FSIP1: variants seen among roughly 807,000 people sequenced by gnomAD.
FSIP1 encodes the protein fibrous sheath interacting protein 1.
Under a neutral mutation model 60.9 loss-of-function variants are expected in FSIP1, and 65 were observed. That is an observed-to-expected ratio of 1.07 (90% CI 0.87 to 1.31). The LOEUF is 1.31. Among genes scored for constraint, FSIP1 ranks in the 40% most tolerant of loss-of-function variants. The pLI, the probability that FSIP1 is intolerant of heterozygous loss-of-function variation, is 0.00. For synonymous variants in FSIP1, 209 were observed against 221.2 expected (o/e 0.94, Z 0.49); for missense variants, 675 against 665.5 (o/e 1.01, Z -0.16).
intron 9 of FSIP1, among the ~76,000 whole-genome samples, chr15:39,717,726 C>T (rs978344371): frequency 4.6e-5 from 7 of 152,170 alleles, no homozygotes; most frequent in Non-Finnish European, 1.0e-4. Flanking sequence ...ATAGGCACAC[C>T]GAGTCCAAGG....
chr15:39,743,244 G>A (rs535079317), intron 5 of FSIP1, among the ~76,000 whole-genome samples: 3 of 152,142 alleles, frequency 2.0e-5, no homozygotes, highest in Non-Finnish European at 2.9e-5. Flanking sequence ...CCAGTGTCAT[G>A]CAGGTGGGTA....
chr15:39,618,024 C>T lies in FSIP1; in HGVS notation c.1410G>A (p.Met470Ile), dbSNP rs151331752. ...VQKTEVEDAD[M>I]LESEECEASK... is the part of the protein sequence containing the mutation. ...AAGCTTCACATTCTTCACTCTCAAG[C>T]ATATCTGCATCTTCTACCTCAGTTT... is the stretch of plus-strand genomic sequence containing the variant. The change falls in exon 11 of 12, where the codon ATG becomes ATA. Residue 470 changes from methionine (M) to isoleucine (I), a missense_variant. Met to Ile is a conservative substitution (Grantham distance 10). Coordinates refer to ENST00000350221, the MANE Select transcript of FSIP1 (RefSeq NM_152597.5). The T allele has an allele frequency of 8.5e-5, 137 of 1,614,182 alleles. No homozygotes were observed. The African/African-American group carries it at 1.7e-3, about 20-fold the overall frequency.
chr15:39,740,560 T>C (rs1253803004), intron 6 of FSIP1, among the ~76,000 whole-genome samples: 1 of 152,154 alleles, frequency 6.6e-6, no homozygotes, highest in Admixed American at 6.5e-5. Context: ...ACACATGCAG[T>C]TCACCCTACA....
Position 39,618,260 on chromosome 15 carries a change from C to A in FSIP1, c.1189-15G>T. Reference sequence around the variant, plus strand: ...GTGGACTCTAACTGATGAAACAAACCAAAAGATTACATAGTCAGTTGACTG... The same window carrying A: ...GTGGACTCTAACTGATGAAACAAACAAAAAGATTACATAGTCAGTTGACTG... On this transcript the variant is annotated splice_polypyrimidine_tract_variant and intron_variant, in intron 10 of 11. Coordinates refer to ENST00000350221, the MANE Select transcript of FSIP1 (RefSeq NM_152597.5). The A allele has an allele frequency of 6.3e-7, 1 of 1,577,968 alleles. No homozygotes were observed. Among genetic ancestry groups the A allele is most frequent in the Non-Finnish European group, 8.6e-7 (1 of 1,159,142 alleles).
rs114965515 is a variant in FSIP1, at chr15:39,657,966, G to A, written c.1189-39721C>T. Among the ~76,000 whole-genome samples the A allele has an allele frequency of 4.9e-3, 743 of 152,144 alleles. 6 individuals carry two copies. The highest frequency in any genetic ancestry group is 0.017 in the African/African-American group (703 of 41,504). ...CCTTCGAGAACAGCATATATAGTAG[G>A]GCCTGTGATGGATGGCCAATACAAA... is the stretch of plus-strand genomic sequence containing the variant. On this transcript the variant is annotated intron_variant, in intron 10 of 11. Transcript: ENST00000350221.
intron 10 of FSIP1, among the ~76,000 whole-genome samples, chr15:39,639,229 C>G (rs755171344): frequency 6.6e-6 from 1 of 152,094 alleles, no homozygotes; most frequent in East Asian, 1.9e-4. Flanking sequence ...GCTAGAAGGC[C>G]TGTGGGGAGT....
At chr15:39,754,862 G>C (rs1261840848) in intron 5 of FSIP1, among the ~76,000 whole-genome samples, 1 of 152,070 alleles carries the variant, frequency 6.6e-6, no homozygotes, top group African/African-American at 2.4e-5. Flanking sequence ...ATCAAAACTG[G>C]AGGTATGCCA....
chr15:39,613,913 A>T (rs183203547), intron 11 of FSIP1, among the ~76,000 whole-genome samples: 2 of 152,334 alleles, frequency 1.3e-5, no homozygotes, highest in East Asian at 3.9e-4. Context: ...CCATTTCATG[A>T]TAAAAATTCT....
At chr15:39,761,651 T>C (rs1007560489) in intron 5 of FSIP1, among the ~76,000 whole-genome samples, 1 of 152,190 alleles carries the variant, frequency 6.6e-6, no homozygotes, top group Admixed American at 6.5e-5. Context: ...TGAGATCTAT[T>C]GCACGGTGTG....
chr15:39,675,838 T>C (rs1324859371), intron 10 of FSIP1, among the ~76,000 whole-genome samples: 1 of 152,092 alleles, frequency 6.6e-6, no homozygotes, highest in African/African-American at 2.4e-5. Flanking sequence ...ACCACAACTG[T>C]ACAGCAGTAG....
intron 10 of FSIP1, among the ~76,000 whole-genome samples, chr15:39,698,582 G>A (rs1489347890): frequency 6.6e-6 from 1 of 152,152 alleles, no homozygotes; most frequent in Non-Finnish European, 1.5e-5. Context: ...ACTTTAATCT[G>A]AGCACTCTGC....
chr15:39,728,021 G>A (rs892617981), intron 8 of FSIP1, among the ~76,000 whole-genome samples: 5 of 152,004 alleles, frequency 3.3e-5, no homozygotes, highest in African/African-American at 7.3e-5. Context: ...AATCAAGAAC[G>A]CAATTCCATT....
In FSIP1 at chr15:39,602,328, G is replaced by A. The variant is rs924086598; in HGVS notation, c.1700-1402C>T. The A allele has an allele frequency of 7.4e-5, 34 of 456,426 alleles. 1 individual carries two copies. Among genetic ancestry groups the A allele is most frequent in the Middle Eastern group, 3.4e-4 (1 of 2,918 alleles). The allele number at this position is 456,426 out of a possible 1,614,324, so 28.3% of individuals were successfully genotyped here. A position where few individuals can be genotyped will look rare whatever the true frequency, so the allele number is the denominator to read the frequency against. On this transcript the variant is annotated intron_variant, in intron 11 of 11. Coordinates refer to ENST00000350221, the MANE Select transcript of FSIP1 (RefSeq NM_152597.5). Reference sequence around the variant, plus strand: ...GAGAAGCTGGAAGAAGCATGGAAGCGTTCTAGCGTTCTCTCCTAGGGCCTC... The same window carrying A: ...GAGAAGCTGGAAGAAGCATGGAAGCATTCTAGCGTTCTCTCCTAGGGCCTC...
chr15:39,611,737 T>C (rs950957563), intron 11 of FSIP1, among the ~76,000 whole-genome samples: 1 of 152,016 alleles, frequency 6.6e-6, no homozygotes, highest in East Asian at 1.9e-4. Flanking sequence ...GTTGAAAAAA[T>C]AGTAATAAAA....
chr15:39,774,906 C>A (rs1480539985), intron 2 of FSIP1, among the ~76,000 whole-genome samples: 1 of 152,174 alleles, frequency 6.6e-6, no homozygotes, highest in African/African-American at 2.4e-5. Flanking sequence ...GGTGGCGTGA[C>A]CTGAGAACCC....
At chr15:39,602,551 G>A (rs1488085674) in intron 11 of FSIP1, among the ~76,000 whole-genome samples, 4 of 152,202 alleles carry the variant, frequency 2.6e-5, no homozygotes, top group Non-Finnish European at 5.9e-5. Context: ...TGCAGTTTCA[G>A]AGCAAAGTGA....
chr15:39,736,938 C>A (rs1595678170), intron 8 of FSIP1, among the ~76,000 whole-genome samples: 1 of 152,014 alleles, frequency 6.6e-6, no homozygotes, highest in East Asian at 1.9e-4. Flanking sequence ...ATATCCTGGG[C>A]TGTTTGGCTC....
At chr15:39,713,048 C>G (rs967430119) in intron 10 of FSIP1, among the ~76,000 whole-genome samples, 1 of 152,138 alleles carries the variant, frequency 6.6e-6, no homozygotes, top group Non-Finnish European at 1.5e-5. Flanking sequence ...ATCTTACACA[C>G]TATCTGAAGT....
At chr15:39,629,334 G>C (rs1303856545) in intron 10 of FSIP1, among the ~76,000 whole-genome samples, 1 of 152,162 alleles carries the variant, frequency 6.6e-6, no homozygotes, top group Non-Finnish European at 1.5e-5. Flanking sequence ...ACACTATTAA[G>C]TCTTCAGCAT....
Sources: gnomAD v4.1 joint callset for allele counts (sites outside exome capture counted in the v4.1 genomes callset) on GRCh38, gnomAD v4.1.1 for gene constraint, MANE v1.5 for transcripts, NCBI Gene and HGNC (gene_info 2026-07-23, HGNC 2026-07-21) for gene names.